MARCHF1: variants seen among roughly 807,000 people sequenced by gnomAD.
MARCHF1 encodes E3 ubiquitin-protein ligase MARCHF1.
MARCHF1 carries 40 observed loss-of-function variants against 54.2 expected under a neutral mutation model. That is an observed-to-expected ratio of 0.74 (90% CI 0.57 to 0.96). The LOEUF (loss-of-function observed/expected upper bound fraction) is 0.96, where lower values mean the gene tolerates loss of function less well. MARCHF1 is among the 40% of genes least tolerant of loss of function. MARCHF1 has a pLI of 0.00. For missense variants in MARCHF1, 586 were observed against 656.5 expected, an observed-to-expected ratio of 0.89 and a Z score of 1.17; for synonymous variants, 236 against 236.3, an observed-to-expected ratio of 1.00 and a Z score of 0.01.
intron 3 of MARCHF1, among the ~76,000 whole-genome samples, chr4:163,903,603 C>A (rs958772344): frequency 6.0e-5 from 9 of 150,828 alleles, no homozygotes; most frequent in Non-Finnish European, 8.9e-5. Flanking sequence ...TTTTTTCTTT[C>A]TTTCTTTCTT....
intron 3 of MARCHF1, among the ~76,000 whole-genome samples, chr4:163,919,421 T>C (rs1310287041): frequency 1.3e-5 from 2 of 151,850 alleles, no homozygotes; most frequent in East Asian, 1.9e-4. Flanking sequence ...AAATTATAAG[T>C]TAACAAAAAG....
intron 4 of MARCHF1, among the ~76,000 whole-genome samples, chr4:163,752,563 T>C (rs1746555187): frequency 6.6e-6 from 1 of 152,220 alleles, no homozygotes; most frequent in Non-Finnish European, 1.5e-5. Context: ...ATTATTATTA[T>C]AAAAAGAAGA....
intron 1 of MARCHF1, among the ~76,000 whole-genome samples, chr4:164,134,452 C>T (rs2110830521): frequency 6.6e-6 from 1 of 152,254 alleles, no homozygotes; most frequent in Non-Finnish European, 1.5e-5. Context: ...TCTCTGCTAT[C>T]TAAGTCATTA....
chr4:163,603,153 A>G (rs1389887140), intron 7 of MARCHF1, among the ~76,000 whole-genome samples: 2 of 131,574 alleles, frequency 1.5e-5, no homozygotes, highest in Non-Finnish European at 3.4e-5. Flanking sequence ...AGATTAAGGT[A>G]AAGGGAAGTG....
At chr4:163,736,048 T>C (rs1015836810) in intron 4 of MARCHF1, among the ~76,000 whole-genome samples, 3 of 152,188 alleles carry the variant, frequency 2.0e-5, no homozygotes, top group African/African-American at 7.2e-5. Context: ...ATTATAACAA[T>C]ATGCTGTTCA....
chr4:164,154,496 G>C (rs115972095), intron 1 of MARCHF1, among the ~76,000 whole-genome samples: 2,496 of 152,280 alleles, frequency 0.016, 61 homozygotes, highest in African/African-American at 0.056. Flanking sequence ...TGTACTCATT[G>C]TGAAACAGGA....
Position 163,913,643 on chromosome 4 carries a change from G to A in MARCHF1, c.-38-59474C>T, listed in dbSNP as rs74850664. ...TGATAGTCAATGTTTAATATGTTTC[G>A]TGTAAAGAGGAAGATAACTGAGGAG... On this transcript the variant is annotated intron_variant, in intron 3 of 9. Transcript: ENST00000514618. Among the ~76,000 whole-genome samples the A allele has an allele frequency of 5.3e-5, 8 of 152,206 alleles. No homozygotes were observed. In the South Asian group the frequency reaches 8.3e-4, roughly 16 times the overall value.
At chr4:163,974,773 C>T (rs138432849) in intron 3 of MARCHF1, among the ~76,000 whole-genome samples, 49 of 152,232 alleles carry the variant, frequency 3.2e-4, no homozygotes, top group Middle Eastern at 3.4e-3. Context: ...GTTTATGTGT[C>T]AATTTGACTG....
chr4:164,305,371 T>C (rs560141044), intron 1 of MARCHF1, among the ~76,000 whole-genome samples: 5 of 152,276 alleles, frequency 3.3e-5, no homozygotes, highest in African/African-American at 1.2e-4. Context: ...ATCTAACTTC[T>C]AAAGAAGTAG....
chr4:164,125,301 A>C (rs903853962), intron 1 of MARCHF1, among the ~76,000 whole-genome samples: 9 of 152,256 alleles, frequency 5.9e-5, no homozygotes, highest in Non-Finnish European at 1.2e-4. Context: ...TAATAAAAAC[A>C]TTATGAATAG....
At chr4:164,365,845 T>C (rs1730865370) in intron 1 of MARCHF1, among the ~76,000 whole-genome samples, 1 of 152,032 alleles carries the variant, frequency 6.6e-6, no homozygotes, top group African/African-American at 2.4e-5. Context: ...CTAACATTAT[T>C]TTGTATGAAA....
chr4:164,087,082 G>T (rs951459499), intron 2 of MARCHF1, among the ~76,000 whole-genome samples: 36 of 152,036 alleles, frequency 2.4e-4, no homozygotes, highest in Non-Finnish European at 8.8e-5. Flanking sequence ...TGCCTTGGGG[G>T]AGTTGCCACA....
chr4:164,052,889 C>T (rs558444545), intron 2 of MARCHF1, among the ~76,000 whole-genome samples: 1 of 152,222 alleles, frequency 6.6e-6, no homozygotes, highest in African/African-American at 2.4e-5. Context: ...TAGAGTGGAA[C>T]TATGAAAGAG....
intron 4 of MARCHF1, among the ~76,000 whole-genome samples, chr4:163,822,443 G>A (rs370750845): frequency 3.3e-5 from 5 of 151,816 alleles, no homozygotes; most frequent in African/African-American, 1.2e-4. Context: ...AGAGGTCATA[G>A]GTGTCATTGA....
chr4:163,564,741 A>G (rs1739587969), intron 8 of MARCHF1, among the ~76,000 whole-genome samples: 1 of 152,194 alleles, frequency 6.6e-6, no homozygotes, highest in South Asian at 2.1e-4. Flanking sequence ...AAACTTCAAT[A>G]AGGATCTTAA....
At chr4:164,293,029 G>T (rs1455683341) in intron 1 of MARCHF1, among the ~76,000 whole-genome samples, 1 of 152,082 alleles carries the variant, frequency 6.6e-6, no homozygotes, top group East Asian at 1.9e-4. Flanking sequence ...GTTGGTTCAT[G>T]AAGTGTCTTC....
chr4:164,030,058 T>C (rs909449960), intron 2 of MARCHF1, among the ~76,000 whole-genome samples: 5 of 152,240 alleles, frequency 3.3e-5, no homozygotes, highest in Non-Finnish European at 7.3e-5. Context: ...CGGACAGCTA[T>C]ATTTCTTGAA....
At chr4:164,274,733 G>C (rs1733832895) in intron 1 of MARCHF1, among the ~76,000 whole-genome samples, 1 of 132,426 alleles carries the variant, frequency 7.6e-6, no homozygotes, top group African/African-American at 2.8e-5. Context: ...CTGGAGTGCA[G>C]CGGTGCGATC....
At chr4:164,215,802 T>A (rs1357495793) in intron 1 of MARCHF1, among the ~76,000 whole-genome samples, 1 of 152,168 alleles carries the variant, frequency 6.6e-6, no homozygotes, top group Non-Finnish European at 1.5e-5. Context: ...CTATATTACA[T>A]TCCCAGTGAT....
Sources: allele counts gnomAD v4.1 joint callset (sites outside exome capture counted in the v4.1 genomes callset), GRCh38; gene constraint gnomAD v4.1.1; transcripts MANE v1.5; gene names NCBI Gene and HGNC (gene_info 2026-07-23, HGNC 2026-07-21).